Variants in TRMT61A observed in about 807,000 individuals in gnomAD.
TRMT61A encodes tRNA methyltransferase 61A.
Under a neutral mutation model 21.3 loss-of-function variants are expected in TRMT61A, and 15 were observed. That is an observed-to-expected ratio of 0.70 (90% CI 0.47 to 1.08). The LOEUF is 1.08. Among genes scored for constraint, TRMT61A ranks in the 50% least tolerant of loss-of-function variants. TRMT61A has a pLI of 0.00. For missense variants in TRMT61A, 352 were observed against 426.7 expected, an observed-to-expected ratio of 0.83 and a Z score of 1.54; for synonymous variants, 183 against 185.5, an observed-to-expected ratio of 0.99 and a Z score of 0.11.
At position 103,531,540 on chromosome 14, in the gene TRMT61A, G is replaced by C. The variant is rs1248645174; in HGVS notation, c.332-1042G>C. On this transcript the variant is annotated intron_variant, in intron 2 of 3. Transcript: ENST00000389749. This position sits in a 1 kb window ranked among gnomAD's most constrained non-coding sequence, Gnocchi z 5.1. ...CTCCACCCCGGAGGCTAACAAGTCTGACTTGCCCCTTAGTGGGAAGGGGGC... is the reference window on the plus strand; with the variant it reads ...CTCCACCCCGGAGGCTAACAAGTCTCACTTGCCCCTTAGTGGGAAGGGGGC... Among the ~76,000 whole-genome samples, 1 of 152,118 alleles carries C rather than the reference G, an allele frequency of 6.6e-6. No homozygotes were observed. The highest frequency in any genetic ancestry group is 1.5e-5 in the Non-Finnish European group (1 of 68,014).
rs769362508 is a variant in TRMT61A at position 103,532,728 on chromosome 14, C to T, written c.478C>T (p.Arg160Cys). ...CCGTGTGGGCCGCTGGGTGACTGTG[C>T]GCACCCAGGACGTGTGCCGCAGTGG... ...EHRVGRWVTV[R>C]TQDVCRSGFG... The change falls in exon 3 of 4, where the codon CGC (arginine) becomes TGC (cysteine). Residue 160 changes from arginine to cysteine, a missense_variant. Coordinates refer to ENST00000389749, the MANE Select transcript of TRMT61A (RefSeq NM_152307.3). 1.2e-5 allele frequency: 20 copies of T among 1,609,388 alleles called. No individual in the cohort carries two copies. Among genetic ancestry groups the T allele is most frequent in the Admixed American group, 1.7e-5 (1 of 59,458 alleles).
At position 103,534,612 on chromosome 14, in the gene TRMT61A, G is replaced by A; in HGVS notation, c.661G>A (p.Ala221Thr). 1 of 1,604,932 alleles carries A rather than the reference G, an allele frequency of 6.2e-7. No individual in the cohort carries two copies. The highest frequency in any genetic ancestry group is 8.5e-7 in the Non-Finnish European group (1 of 1,174,468). The change falls in exon 4 of 4, where the codon GCA becomes ACA. Residue 221 changes from alanine (A) to threonine (T), a missense_variant. Ala to Thr is a moderately conservative substitution (Grantham distance 58, BLOSUM62 0). Transcript: ENST00000389749. ...GGTGCAACGCACATGCCAGGCGCTGGCAGCGCGCGGCTTCTCAGAGCTGAG... is the reference window on the plus strand; with the variant it reads ...GGTGCAACGCACATGCCAGGCGCTGACAGCGCGCGGCTTCTCAGAGCTGAG... ...EQVQRTCQAL[A>T]ARGFSELSTL...
In TRMT61A at chr14:103,534,848, G is replaced by T; in HGVS notation, c.*27G>T. The T allele has an allele frequency of 6.5e-7, 1 of 1,535,840 alleles. No individual in the cohort carries two copies. On this transcript the variant is annotated 3_prime_UTR_variant, in exon 4 of 4. Coordinates refer to ENST00000389749, the MANE Select transcript of TRMT61A (RefSeq NM_152307.3). ...GGGCCGCCTCCCAGGGCACCAGGGAGCTGGGAGCACTGAAGGGCTGGGCAG... is the reference window on the plus strand; with the variant it reads ...GGGCCGCCTCCCAGGGCACCAGGGATCTGGGAGCACTGAAGGGCTGGGCAG...
Position 103,530,170 on chromosome 14 carries a change from C to T in TRMT61A, c.192C>T (p.Gly64=). The T allele has an allele frequency of 6.2e-7, 1 of 1,612,798 alleles. No individual in the cohort carries two copies. Among genetic ancestry groups the T allele is most frequent in the African/African-American group, 1.3e-5 (1 of 75,070 alleles). ...CCAAGGTGACGTGCGGCCGAGGTGG[C>T]TGGGTGTATGTGCTGCACCCCACGC... ...FGSKVTCGRG[G]WVYVLHPTPE... The change falls in exon 2 of 4, where the codon GGC becomes GGT. Residue 64 remains glycine, a synonymous_variant. Transcript: ENST00000389749.
At chr14:103,534,492 C>T (rs1230347692) in intron 3 of TRMT61A, 58 bp from the exon 4 acceptor site, 7 of 1,514,012 alleles carry the variant, frequency 4.6e-6, no homozygotes, top group Non-Finnish European at 6.2e-6. Context: ...ATGCTAGGGC[C>T]AGACGGGCCA....
chr14:103,534,657 C>T lies in TRMT61A; in HGVS notation c.706C>T (p.Gln236Ter). ...SELSTLEVLP[Q>*]VYNVRTVSLP... ...GCTGAGCACCCTGGAGGTGCTGCCA[C>T]AGGTCTACAACGTGCGCACTGTCAG... Residue 236 changes from glutamine (Q) to a stop codon, truncating the protein, a stop_gained, in exon 4 of 4, where the codon CAG becomes TAG. Transcript: ENST00000389749. LOFTEE classifies it high-confidence loss of function. 1 of 1,611,112 alleles carries T rather than the reference C, an allele frequency of 6.2e-7. No homozygotes were observed. The highest frequency in any genetic ancestry group is 8.5e-7 in the Non-Finnish European group (1 of 1,179,408).
At chr14:103,532,396 C>CCCA (rs1304419164) in intron 2 of TRMT61A, among the ~76,000 whole-genome samples, 186 bp from the exon 3 acceptor site, 2 of 152,196 alleles carry the variant, frequency 1.3e-5, no homozygotes, top group African/African-American at 4.8e-5. Flanking sequence ...GGGTGCCCAA[C>CCCA]CCAGGGCTAG....
Position 103,532,587 on chromosome 14 carries a change from G to A in TRMT61A, c.337G>A (p.Gly113Ser). 6.8e-6 allele frequency: 11 copies of A among 1,613,294 alleles called. No individual in the cohort carries two copies. The highest frequency in any genetic ancestry group is 1.3e-5 in the African/African-American group (1 of 75,062). Residue 113 changes from glycine to serine, a missense_variant, in exon 3 of 4, where the codon GGC (glycine) becomes AGC (serine). Gly to Ser is a moderately conservative substitution (Grantham distance 56, BLOSUM62 0). Transcript: ENST00000389749. ...ATCCCTTCTTGTCCTGCCAGGCACC[G>A]GCAGTGGCTCTGTGTCCCACGCCAT... ...PGSVVCESGTGSGSVSHAIIR... is the reference protein window; with the variant it reads ...PGSVVCESGTSSGSVSHAIIR...
intron 3 of TRMT61A, among the ~76,000 whole-genome samples, 166 bp downstream of exon 3, chr14:103,533,014 A>C (rs1218349499): frequency 1.3e-5 from 2 of 152,202 alleles, no homozygotes; most frequent in Admixed American, 1.3e-4. Flanking sequence ...CAGGCTGGCC[A>C]GGGGAGGCAG....
Position 103,530,272 on chromosome 14 carries a change from G to T in TRMT61A, c.294G>T (p.Met98Ile), listed in dbSNP as rs1460619061. 1.3e-6 allele frequency: 2 copies of T among 1,596,076 alleles called. No individual in the cohort carries two copies. Among genetic ancestry groups the T allele is most frequent in the Non-Finnish European group, 1.7e-6 (2 of 1,165,590 alleles). The change falls in exon 2 of 4, where the codon ATG (methionine) becomes ATT (isoleucine). Residue 98 changes from methionine (M) to isoleucine (I), a missense_variant. Met to Ile is a conservative substitution (Grantham distance 10). Transcript: ENST00000389749. ...YSTDIALITM[M>I]LELRPGSVVC... ...CAGACATCGCCCTCATCACCATGAT[G>T]TTGGAGCTTCGGCCCGGCTCTGTGG...
In TRMT61A at chr14:103,531,722, C is replaced by T. The variant is rs556093202; in HGVS notation, c.332-860C>T. On this transcript the variant is annotated intron_variant, in intron 2 of 3. Transcript: ENST00000389749. This position sits in a 1 kb window ranked among gnomAD's most constrained non-coding sequence, Gnocchi z 5.1. ...GTGGAGGCACCTCCATGGGTCTGGC[C>T]CAAGCACTTGCGATGCTCAGCGCTA... Among the ~76,000 whole-genome samples the T allele has an allele frequency of 2.0e-5, 3 of 152,230 alleles. No individual in the cohort carries two copies. The highest frequency in any genetic ancestry group is 7.2e-5 in the African/African-American group (3 of 41,558).
Position 103,534,616 on chromosome 14 carries a change from C to T in TRMT61A, c.665C>T (p.Ala222Val), listed in dbSNP as rs201788463. The T allele has an allele frequency of 2.1e-4, 335 of 1,606,380 alleles. No homozygotes were observed. The African/African-American group carries it at 3.4e-3, about 16-fold the overall frequency. ...CAACGCACATGCCAGGCGCTGGCAG[C>T]GCGCGGCTTCTCAGAGCTGAGCACC... ...QVQRTCQALA[A>V]RGFSELSTLE... Residue 222 changes from alanine to valine, a missense_variant, in exon 4 of 4, where the codon GCG becomes GTG. By Grantham distance (64) the Ala-to-Val change is moderately conservative (BLOSUM62 0). Transcript: ENST00000389749.
Position 103,532,826 on chromosome 14 carries a change from C to G in TRMT61A, c.576C>G (p.Ala192=), listed in dbSNP as rs746076593. ...IPSPWEAVGH[A]WDALKVEGGR... ...CACCCTGGGAGGCCGTGGGCCACGC[C>G]TGGGACGCCCTCAAGGTCGAAGGTG... The change falls in exon 3 of 4, where the codon GCC becomes GCG. Residue 192 remains alanine (A), a synonymous_variant. Transcript: ENST00000389749. The G allele has an allele frequency of 3.1e-5, 49 of 1,559,182 alleles. No homozygotes were observed. The highest frequency in any genetic ancestry group is 3.9e-5 in the Non-Finnish European group (45 of 1,151,774).
rs142969105 is a variant in TRMT61A, at chr14:103,532,156, G to A, written c.332-426G>A. ...ACCGGCAGGGTGGGCCACTGTTGAC[G>A]GGGATTGAGGAAGTGATGGGCCATG... On this transcript the variant is annotated intron_variant, in intron 2 of 3. Transcript: ENST00000389749. Among the ~76,000 whole-genome samples, 1,014 of 152,216 alleles carry A rather than the reference G, an allele frequency of 6.7e-3. 5 individuals carry two copies. The highest frequency in any genetic ancestry group is 0.011 in the Non-Finnish European group (774 of 67,984).
chr14:103,534,461 C>G, intron 3 of TRMT61A, 89 bp from the exon 4 acceptor site: 1 of 1,443,368 alleles, frequency 6.9e-7, no homozygotes, highest in South Asian at 1.4e-5. Flanking sequence ...TGGCCTCAGA[C>G]CCTAGGGTGG....
At chr14:103,533,710 TC>T (rs1439857861) in intron 3 of TRMT61A, among the ~76,000 whole-genome samples, 3 of 152,330 alleles carry the variant, frequency 2.0e-5, no homozygotes, top group African/African-American at 7.2e-5. Context: ...CCTGTCCCTT[TC>T]CCTGCGAGCT....
intron 3 of TRMT61A, among the ~76,000 whole-genome samples, chr14:103,533,675 G>C (rs754845662): frequency 6.6e-6 from 1 of 152,208 alleles, no homozygotes; most frequent in African/African-American, 2.4e-5. Context: ...AGCGTGGCTC[G>C]GGGAACCCGC....
intron 2 of TRMT61A, 70 bp from the exon 3 acceptor site, chr14:103,532,512 G>T: frequency 6.3e-7 from 1 of 1,596,956 alleles, no homozygotes. Context: ...GGTGGGGGTT[G>T]TTTCCTGGGA....
chr14:103,529,907 C>T (rs1051845547), intron 1 of TRMT61A, 43 bp from the exon 2 acceptor site: 58 of 1,446,474 alleles, frequency 4.0e-5, no homozygotes, highest in Non-Finnish European at 5.1e-5. Context: ...AGGCCCTCAT[C>T]CTGCCTCCTG....
Sources: gnomAD v4.1 joint callset for allele counts (sites outside exome capture counted in the v4.1 genomes callset) on GRCh38, gnomAD v4.1.1 for gene constraint, Gnocchi (gnomAD v3.1) non-coding constraint, MANE v1.5 for transcripts, NCBI Gene and HGNC (gene_info 2026-07-23, HGNC 2026-07-21) for gene names.